Variants in CATSPERE observed in about 807,000 individuals in gnomAD.
CATSPERE encodes catsper channel auxiliary subunit epsilon, also known as cation channel sperm-associated auxiliary subunit epsilon.
In CATSPERE, 93 loss-of-function variants were observed where a neutral mutation model predicts 114.1. That is an observed-to-expected ratio of 0.81 (90% CI 0.69 to 0.97). The LOEUF is 0.97. Ranked by LOEUF, CATSPERE falls within the 50% of genes least tolerant of loss-of-function variation. The probability of loss-of-function intolerance (pLI) is 0.00; values close to 1 mark genes in which losing one functional copy is unlikely to be tolerated. For missense variants in CATSPERE, 1,058 were observed against 1,131.6 expected (o/e 0.93, Z 0.93); for synonymous variants, 341 against 384.1 (o/e 0.89, Z 1.31).
chr1:244,488,614 C>T (rs538677141), intron 5 of CATSPERE, among the ~76,000 whole-genome samples: 3 of 152,190 alleles, frequency 2.0e-5, no homozygotes, highest in Non-Finnish European at 4.4e-5. Flanking sequence ...TGTATTAATA[C>T]GAAAGCCTTT....
upstream of CATSPERE, chr1:244,457,628 T>C (rs1666275536): frequency 6.6e-6 from 1 of 152,184 alleles, no homozygotes; most frequent in African/African-American, 2.4e-5. Context: ...TTTGGAGTTA[T>C]CATTTTGGCC....
intron 8 of CATSPERE, among the ~76,000 whole-genome samples, chr1:244,540,589 T>C (rs1168371385): frequency 6.7e-6 from 1 of 149,104 alleles, no homozygotes; most frequent in African/African-American, 2.5e-5. Flanking sequence ...CCAAGGTAAT[T>C]TATAGATTCA....
At chr1:244,638,608 T>C (rs1674944971) in intron 21 of CATSPERE, among the ~76,000 whole-genome samples, 1 of 152,224 alleles carries the variant, frequency 6.6e-6, no homozygotes, top group South Asian at 2.1e-4. Flanking sequence ...CTTCTTCTCT[T>C]AGGTGTCTCA....
At chr1:244,596,179 G>A (rs1355187236) in intron 17 of CATSPERE, among the ~76,000 whole-genome samples, 2 of 152,068 alleles carry the variant, frequency 1.3e-5, no homozygotes, top group East Asian at 3.9e-4. Flanking sequence ...ATTCCCACCG[G>A]CACCATGACA....
At chr1:244,580,494 G>GT (rs1221119390) in intron 11 of CATSPERE, among the ~76,000 whole-genome samples, 3 of 151,882 alleles carry the variant, frequency 2.0e-5, no homozygotes, top group Non-Finnish European at 4.4e-5. Flanking sequence ...CTAATCATTT[G>GT]TTTTTTAAAA....
intron 2 of CATSPERE, among the ~76,000 whole-genome samples, chr1:244,477,091 G>A (rs953898288): frequency 6.6e-6 from 1 of 152,148 alleles, no homozygotes; most frequent in African/African-American, 2.4e-5. Flanking sequence ...TGCCTCCCAG[G>A]TTCAAGCGAT....
chr1:244,501,609 A>G (rs1436922133), intron 7 of CATSPERE, among the ~76,000 whole-genome samples: 1 of 152,246 alleles, frequency 6.6e-6, no homozygotes, highest in African/African-American at 2.4e-5. Context: ...TCAACTTTAG[A>G]GGGAATAAAA....
intron 10 of CATSPERE, among the ~76,000 whole-genome samples, chr1:244,563,147 G>A (rs1294266646): frequency 6.6e-6 from 1 of 152,142 alleles, no homozygotes; most frequent in East Asian, 1.9e-4. Flanking sequence ...ATGGGCATTT[G>A]GGTTGGTATC....
chr1:244,497,642 T>C (rs3006027), intron 6 of CATSPERE, among the ~76,000 whole-genome samples: 3,524 of 151,648 alleles, frequency 0.023, 167 homozygotes, highest in African/African-American at 0.081. Context: ...ACTAAAAATA[T>C]AAAAAATAGC....
chr1:244,508,251 G>GT (rs1558394632), intron 7 of CATSPERE, among the ~76,000 whole-genome samples: 1 of 147,868 alleles, frequency 6.8e-6, no homozygotes, highest in African/African-American at 2.5e-5. Flanking sequence ...TTCTTGATTT[G>GT]TTTTTCAGCT....
rs541536868 is a variant in CATSPERE at position 244,550,747 on chromosome 1, G to A, written c.537-1575G>A. 1.4e-3 allele frequency among the ~76,000 whole-genome samples: 207 copies of A among 152,288 alleles called. 2 individuals are homozygous for A. The highest frequency in any genetic ancestry group is 4.7e-3 in the African/African-American group (196 of 41,558). ...CTACAACTGCCCTAACTTGAGGTCC[G>A]CTTCACCTGGGTCCTGCTGAGTGGG... On this transcript the variant is annotated intron_variant, in intron 8 of 21. Transcript: ENST00000366534.
intron 21 of CATSPERE, 110 bp downstream of exon 21, chr1:244,635,652 C>T (rs1674541971): frequency 2.7e-6 from 2 of 749,224 alleles, no homozygotes; most frequent in African/African-American, 1.8e-5. Context: ...AGCCTGTGCA[C>T]TCACTTTTCA....
intron 7 of CATSPERE, among the ~76,000 whole-genome samples, chr1:244,515,864 C>G (rs946585404): frequency 6.7e-6 from 1 of 149,540 alleles, no homozygotes; most frequent in African/African-American, 2.4e-5. Context: ...TTTTAAAATA[C>G]TATTAAAAAT....
In CATSPERE at chr1:244,504,413, A is replaced by G. The variant is rs1208601425; in HGVS notation, c.429+5334A>G. Among the ~76,000 whole-genome samples the G allele has an allele frequency of 6.6e-6, 1 of 152,202 alleles. No homozygotes were observed. Among genetic ancestry groups the G allele is most frequent in the Non-Finnish European group, 1.5e-5 (1 of 68,042 alleles). ...TCTATTATTAATATCTTCCTGTTGTATATTTGTCATAATTACTGAACCAAT... is the reference window on the plus strand; with the variant it reads ...TCTATTATTAATATCTTCCTGTTGTGTATTTGTCATAATTACTGAACCAAT... On this transcript the variant is annotated intron_variant, in intron 7 of 21. Transcript: ENST00000366534. The surrounding 1 kb of genome is among the most constrained non-coding windows in gnomAD (Gnocchi z 4.1).
rs1295561051 is a variant in CATSPERE at position 244,607,597 on chromosome 1, A to G, written c.2403+1803A>G. The stretch of plus-strand genomic sequence containing the variant: ...AGCAGAAGTCATAGGTGTCACTTCC[A>G]GGTGAAGTGCTTAAGAAGGAATCAC... On this transcript the variant is annotated intron_variant, in intron 18 of 21. Coordinates refer to ENST00000366534, the MANE Select transcript of CATSPERE (RefSeq NM_001130957.2). This position sits in a 1 kb window ranked among gnomAD's most constrained non-coding sequence, Gnocchi z 4.4. Among the ~76,000 whole-genome samples, 1 of 152,350 alleles carries G rather than the reference A, an allele frequency of 6.6e-6. No homozygotes were observed. Among genetic ancestry groups the G allele is most frequent in the South Asian group, 2.1e-4 (1 of 4,826 alleles).
intron 13 of CATSPERE, among the ~76,000 whole-genome samples, chr1:244,585,407 A>G (rs1666889909): frequency 6.6e-6 from 1 of 152,182 alleles, no homozygotes; most frequent in Non-Finnish European, 1.5e-5. Context: ...CACTGCAGGT[A>G]GTTTGTCCTG....
At chr1:244,618,566 A>C (rs1325867475) in intron 20 of CATSPERE, among the ~76,000 whole-genome samples, 2 of 151,640 alleles carry the variant, frequency 1.3e-5, no homozygotes, top group Non-Finnish European at 2.9e-5. Flanking sequence ...GGATCACCTG[A>C]GGTTGGGAGT....
At chr1:244,469,923 A>T (rs541199517) in intron 2 of CATSPERE, among the ~76,000 whole-genome samples, 8 of 152,316 alleles carry the variant, frequency 5.3e-5, no homozygotes, top group African/African-American at 1.9e-4. Flanking sequence ...ATTTACAGTC[A>T]GTTGATTTTT....
At chr1:244,486,538 C>T (rs1319282609) in intron 5 of CATSPERE, among the ~76,000 whole-genome samples, 13 of 110,220 alleles carry the variant, frequency 1.2e-4, no homozygotes, top group East Asian at 3.1e-4. Context: ...GGTGGGTGGT[C>T]CAGCATGTGG....
Sources: allele counts gnomAD v4.1 joint callset (sites outside exome capture counted in the v4.1 genomes callset), GRCh38; gene constraint gnomAD v4.1.1; non-coding constraint Gnocchi (gnomAD v3.1); transcripts MANE v1.5; gene names NCBI Gene and HGNC (gene_info 2026-07-23, HGNC 2026-07-21).